ADGRF3: variants seen among roughly 807,000 people sequenced by gnomAD.
ADGRF3 encodes the protein G protein-coupled receptor 113.
ADGRF3 carries 85 observed loss-of-function variants against 93.2 expected under a neutral mutation model. The observed-to-expected ratio is 0.91, with a 90% CI of 0.77 to 1.09. The LOEUF (loss-of-function observed/expected upper bound fraction) is 1.09, where lower values mean the gene tolerates loss of function less well. Among genes scored for constraint, ADGRF3 ranks in the 50% least tolerant of loss-of-function variants. The pLI is 0.00. For missense variants in ADGRF3, 1,125 were observed against 1,246.2 expected, an observed-to-expected ratio of 0.90 and a Z score of 1.46; for synonymous variants, 534 against 532.5, an observed-to-expected ratio of 1.00 and a Z score of -0.04.
intron 1 of ADGRF3, among the ~76,000 whole-genome samples, chr2:26,339,630 G>C (rs1324714519): frequency 6.6e-6 from 1 of 152,054 alleles, no homozygotes; most frequent in East Asian, 1.9e-4. Context: ...CCTTAGCCTT[G>C]ATATAGACTC....
intron 1 of ADGRF3, among the ~76,000 whole-genome samples, chr2:26,321,189 C>T (rs1451806433): frequency 3.3e-5 from 5 of 152,110 alleles, no homozygotes; most frequent in Non-Finnish European, 1.5e-5. Context: ...AGTTTTGCTG[C>T]TAATGGAAGA....
chr2:26,328,490 A>T (rs1574723765), intron 1 of ADGRF3, among the ~76,000 whole-genome samples: 1 of 124,244 alleles, frequency 8.0e-6, no homozygotes. Context: ...GTCTCGCTCT[A>T]TTGCCTAGGC....
At chr2:26,319,348 A>G (rs989464824) in intron 1 of ADGRF3, among the ~76,000 whole-genome samples, 2 of 152,190 alleles carry the variant, frequency 1.3e-5, no homozygotes, top group African/African-American at 4.8e-5. Flanking sequence ...CATGTCTATA[A>G]GCCAGGTTCA....
At chr2:26,338,863 T>C (rs572112859) in intron 1 of ADGRF3, among the ~76,000 whole-genome samples, 86 of 151,908 alleles carry the variant, frequency 5.7e-4, no homozygotes, top group Middle Eastern at 6.9e-3. Flanking sequence ...GTTGGCTGGG[T>C]GCGGTGGCTC....
Position 26,346,517 on chromosome 2 carries a change from A to G in ADGRF3, c.-283T>C, listed in dbSNP as rs1676768453. ...CCCCCCGGGAGATTTCCTTTTCCTT[A>G]GGAGAGCGCTCAGTGATCATGGAGC... On this transcript the variant is annotated 5_prime_UTR_variant, in exon 1 of 14. Coordinates refer to ENST00000651242, the MANE Select transcript of ADGRF3 (RefSeq NM_001321971.2). 2.1e-6 allele frequency: 1 copy of G among 482,232 alleles called. No individual in the cohort carries two copies. Among genetic ancestry groups the G allele is most frequent in the Non-Finnish European group, 3.6e-6 (1 of 275,996 alleles). The allele number at this position is 482,232 out of a possible 1,614,324, so 29.9% of individuals were successfully genotyped here. A position where few individuals can be genotyped will look rare whatever the true frequency, so the allele number is the denominator to read the frequency against.
chr2:26,315,156 CA>C (rs1162887453), intron 5 of ADGRF3, among the ~76,000 whole-genome samples: 4 of 152,280 alleles, frequency 2.6e-5, no homozygotes, highest in African/African-American at 7.2e-5. Context: ...TGGAAAGGGC[CA>C]CTGTCTACAC....
intron 1 of ADGRF3, among the ~76,000 whole-genome samples, chr2:26,319,593 T>TTCTCTCCCTCCCTCCCTC (rs1558391032): frequency 1.5e-5 from 1 of 65,102 alleles, no homozygotes; most frequent in Non-Finnish European, 3.6e-5. Flanking sequence ...CTTCCTTCCT[T>TTCTCTCCCTCCCTCCCTC]CCTTCCTTCC....
chr2:26,320,099 G>T (rs1469159477), intron 1 of ADGRF3, among the ~76,000 whole-genome samples: 5 of 152,096 alleles, frequency 3.3e-5, no homozygotes, highest in African/African-American at 1.2e-4. Flanking sequence ...GGCCTAAGAA[G>T]AATAATTTTC....
At position 26,313,416 on chromosome 2, in the gene ADGRF3, G is replaced by A. The variant is rs779108760; in HGVS notation, c.1230C>T (p.Cys410=). ...ACAAGGCCAGGAGCCTCGCATCTGT[G>A]CAGCTGCTGTGGACCGGCCCCCAGA... ...DGVWGPVHSS[C]TDARLLALFT... is the part of the protein sequence containing the mutation. The change falls in exon 8 of 14, where the codon TGC becomes TGT. Residue 410 remains cysteine (C), a synonymous_variant. Transcript: ENST00000651242. The A allele has an allele frequency of 6.2e-7, 1 of 1,607,964 alleles. No homozygotes were observed. Among genetic ancestry groups the A allele is most frequent in the South Asian group, 1.1e-5 (1 of 89,916 alleles).
intron 1 of ADGRF3, chr2:26,318,262 C>A (rs1166918918): frequency 8.4e-6 from 5 of 598,692 alleles, no homozygotes; most frequent in Non-Finnish European, 1.2e-5. Context: ...GGATATCTAT[C>A]CAAAACCAGA....
intron 1 of ADGRF3, chr2:26,345,863 CCCT>C (rs1455548601): frequency 2.1e-6 from 1 of 484,116 alleles, no homozygotes; most frequent in African/African-American, 2.0e-5. Context: ...ACCTTTCACC[CCCT>C]CTCTTGCCTT....
intron 1 of ADGRF3, among the ~76,000 whole-genome samples, chr2:26,324,049 C>T (rs1380074902): frequency 6.6e-6 from 1 of 152,134 alleles, no homozygotes; most frequent in Non-Finnish European, 1.5e-5. Context: ...CCAAGGCCAG[C>T]CTGGGCAACA....
intron 2 of ADGRF3, among the ~76,000 whole-genome samples, 181 bp from the exon 3 acceptor site, chr2:26,317,236 C>T (rs141066850): frequency 1.3e-5 from 2 of 152,156 alleles, no homozygotes; most frequent in African/African-American, 2.4e-5. Flanking sequence ...AGGCACTGTG[C>T]CTTCAGATAC....
intron 1 of ADGRF3, chr2:26,318,816 A>G (rs997457094): frequency 2.3e-6 from 3 of 1,325,710 alleles, no homozygotes; most frequent in African/African-American, 2.9e-5. Context: ...TCTCATAACA[A>G]AGCATCCACT....
chr2:26,336,343 T>C (rs529830241), intron 1 of ADGRF3, among the ~76,000 whole-genome samples: 2 of 151,834 alleles, frequency 1.3e-5, no homozygotes, highest in African/African-American at 4.8e-5. Context: ...TGTGAGTGTG[T>C]GTTTGTATGT....
In ADGRF3 at chr2:26,317,069, G is replaced by A; in HGVS notation, c.182-14C>T. On this transcript the variant is annotated splice_polypyrimidine_tract_variant and intron_variant, in intron 2 of 13. Coordinates refer to ENST00000651242, the MANE Select transcript of ADGRF3 (RefSeq NM_001321971.2). ...CCAGCGCTGATTCTACAGGAGCAGA[G>A]GGGACAGCTGGAGAGGACAGGCAGC... 1.9e-6 allele frequency: 3 copies of A among 1,600,938 alleles called. No individual in the cohort carries two copies. The highest frequency in any genetic ancestry group is 2.6e-6 in the Non-Finnish European group (3 of 1,174,666).
Position 26,315,662 on chromosome 2 carries a change from T to C in ADGRF3, c.578A>G (p.Glu193Gly). 6.4e-7 allele frequency: 1 copy of C among 1,551,526 alleles called. No homozygotes were observed. Among genetic ancestry groups the C allele is most frequent in the Non-Finnish European group, 8.7e-7 (1 of 1,146,974 alleles). ...TLSLTLHLSQ[E>G]ATNLSWFLRH... ...CAGGAACCAGCTCAGGTTGGTGGCC[T>C]CCTGGCTCAGATGGAGAGTCAGGCT... Residue 193 changes from glutamate to glycine, a missense_variant, in exon 5 of 14, where the codon GAG becomes GGG. Glu to Gly is a moderately conservative substitution (Grantham distance 98). Coordinates refer to ENST00000651242, the MANE Select transcript of ADGRF3 (RefSeq NM_001321971.2).
intron 3 of ADGRF3, 132 bp downstream of exon 3, chr2:26,316,780 A>T: frequency 1.0e-6 from 1 of 997,622 alleles, no homozygotes; most frequent in Non-Finnish European, 1.5e-6. Context: ...GAGCTGGGCC[A>T]CGGAGACAGA....
chr2:26,312,699 C>T (rs1015476234), intron 9 of ADGRF3, among the ~76,000 whole-genome samples: 3 of 152,216 alleles, frequency 2.0e-5, no homozygotes, highest in African/African-American at 7.2e-5. Flanking sequence ...ACGCCTCGGG[C>T]CTCATGTCTC....
Sources: gnomAD v4.1 joint callset for allele counts (sites outside exome capture counted in the v4.1 genomes callset) on GRCh38, gnomAD v4.1.1 for gene constraint, MANE v1.5 for transcripts, NCBI Gene and HGNC (gene_info 2026-07-23, HGNC 2026-07-21) for gene names.